WWOX: variants seen among roughly 807,000 people sequenced by gnomAD.
WWOX encodes the protein WW domain-containing oxidoreductase.
In WWOX, 69 loss-of-function variants were observed where a neutral mutation model predicts 46.2. The observed-to-expected ratio is 1.49, with a 90% CI of 1.23 to 1.82. The LOEUF is 1.82. Ranked by LOEUF, WWOX falls within the 40% of genes most tolerant of loss-of-function variation. The pLI, the probability that WWOX is intolerant of heterozygous loss-of-function variation, is 0.00. For synonymous variants in WWOX, 359 were observed against 202.6 expected, an observed-to-expected ratio of 1.77 and a Z score of -6.56; for missense variants, 919 against 542.6, an observed-to-expected ratio of 1.69 and a Z score of -6.89.
chr16:78,416,101 C>A (rs542771200), intron 6 of WWOX, among the ~76,000 whole-genome samples: 24 of 152,104 alleles, frequency 1.6e-4, no homozygotes, highest in Non-Finnish European at 3.1e-4. Flanking sequence ...GAGAATCCAC[C>A]CAAGAAGAAG....
chr16:78,413,935 G>A (rs1824284762), intron 6 of WWOX, among the ~76,000 whole-genome samples: 1 of 151,474 alleles, frequency 6.6e-6, no homozygotes, highest in Non-Finnish European at 1.5e-5. Context: ...TAACCCCTGT[G>A]ACCTGCACAT....
chr16:78,431,082 C>G (rs7195100), intron 7 of WWOX, among the ~76,000 whole-genome samples: 31,455 of 152,038 alleles, frequency 0.21, 4,661 homozygotes, highest in African/African-American at 0.4. Flanking sequence ...TTAGAAAATT[C>G]CTTTTGTTTG....
intron 8 of WWOX, among the ~76,000 whole-genome samples, chr16:78,569,774 A>C (rs532522730): frequency 1.3e-5 from 2 of 152,166 alleles, no homozygotes; most frequent in Non-Finnish European, 2.9e-5. Context: ...TGAACCTTTT[A>C]TCCTCTTCTT....
intron 8 of WWOX, among the ~76,000 whole-genome samples, chr16:79,042,747 C>A (rs1047549430): frequency 5.2e-5 from 5 of 96,628 alleles, no homozygotes; most frequent in African/African-American, 1.9e-4. Flanking sequence ...TTTTTTTCTT[C>A]TAACTTGTCC....
chr16:78,317,869 C>T (rs932231162), intron 5 of WWOX, among the ~76,000 whole-genome samples: 1 of 152,172 alleles, frequency 6.6e-6, no homozygotes, highest in East Asian at 1.9e-4. Flanking sequence ...TTTTCACTCC[C>T]CGTAAACATC....
At position 78,300,950 on chromosome 16, in the gene WWOX, A is replaced by G. The variant is rs142263177; in HGVS notation, c.517-85910A>G. ...CATCTCTTTGTCCATCCATCCAACTACCCACTTACCCATCCATCCATACAT... is the reference window on the plus strand; with the variant it reads ...CATCTCTTTGTCCATCCATCCAACTGCCCACTTACCCATCCATCCATACAT... On this transcript the variant is annotated intron_variant, in intron 5 of 8. Coordinates refer to ENST00000566780, the MANE Select transcript of WWOX (RefSeq NM_016373.4). 1.3e-4 allele frequency among the ~76,000 whole-genome samples: 19 copies of G among 151,978 alleles called. No homozygotes were observed. In the East Asian group the frequency reaches 3.7e-3, roughly 29 times the overall value.
intron 8 of WWOX, among the ~76,000 whole-genome samples, chr16:78,641,249 A>G (rs1046841904): frequency 6.6e-6 from 1 of 151,138 alleles, no homozygotes; most frequent in South Asian, 2.1e-4. Context: ...TTTTTTTTCT[A>G]AAGGAAAAGG....
In WWOX at chr16:79,047,418, T is replaced by G. The variant is rs76546286; in HGVS notation, c.1057-164190T>G. Among the ~76,000 whole-genome samples, 1,446 of 152,284 alleles carry G rather than the reference T, an allele frequency of 9.5e-3. 23 individuals carry two copies. The highest frequency in any genetic ancestry group is 0.01 in the Non-Finnish European group (681 of 68,020). On this transcript the variant is annotated intron_variant, in intron 8 of 8. Coordinates refer to ENST00000566780, the MANE Select transcript of WWOX (RefSeq NM_016373.4). ...AAGATTGATCCATTGGTTAATTGAT[T>G]AATTGATTGATCGACTGAGGAATGT...
chr16:78,707,605 C>T lies in WWOX; in HGVS notation c.1056+274853C>T, dbSNP rs540638423. 3.9e-5 allele frequency among the ~76,000 whole-genome samples: 6 copies of T among 152,152 alleles called. No homozygotes were observed. In the South Asian group the frequency reaches 1.2e-3, roughly 32 times the overall value. ...TGCAGTATTCAATCTTTTTAAGGCCCAGCATGGTGTCTCATGCCTGTAATC... is the reference window on the plus strand; with the variant it reads ...TGCAGTATTCAATCTTTTTAAGGCCTAGCATGGTGTCTCATGCCTGTAATC... On this transcript the variant is annotated intron_variant, in intron 8 of 8. Transcript: ENST00000566780.
At chr16:78,733,095 C>G (rs933312701) in intron 8 of WWOX, among the ~76,000 whole-genome samples, 2 of 152,076 alleles carry the variant, frequency 1.3e-5, no homozygotes, top group Non-Finnish European at 2.9e-5. Flanking sequence ...CCTTTTTTGT[C>G]CCATTTGCTC....
At chr16:78,358,682 G>A (rs1311242291) in intron 5 of WWOX, among the ~76,000 whole-genome samples, 9 of 151,030 alleles carry the variant, frequency 6.0e-5, no homozygotes, top group African/African-American at 1.2e-4. Flanking sequence ...ATGTGTGTGT[G>A]TGTGTGTGTG....
chr16:78,400,604 C>G (rs1020375755), intron 6 of WWOX, among the ~76,000 whole-genome samples: 1 of 151,978 alleles, frequency 6.6e-6, no homozygotes, highest in Non-Finnish European at 1.5e-5. Flanking sequence ...CTTGGTTTTT[C>G]TCCTCTTACC....
chr16:78,221,808 C>T (rs922279460), intron 5 of WWOX, among the ~76,000 whole-genome samples: 1 of 152,202 alleles, frequency 6.6e-6, no homozygotes, highest in African/African-American at 2.4e-5. Flanking sequence ...ACACATTTCT[C>T]TCTGATTTTA....
chr16:78,937,967 T>G (rs367744383), intron 8 of WWOX, among the ~76,000 whole-genome samples: 2 of 152,144 alleles, frequency 1.3e-5, no homozygotes, highest in South Asian at 2.1e-4. Flanking sequence ...GTTCAGTGTT[T>G]TCTTATTCCT....
At chr16:79,112,759 C>T (rs892715136) in intron 8 of WWOX, among the ~76,000 whole-genome samples, 1 of 152,094 alleles carries the variant, frequency 6.6e-6, no homozygotes, top group African/African-American at 2.4e-5. Flanking sequence ...AGCTGGAAGA[C>T]AGGAGAGAAA....
At chr16:79,149,324 T>C (rs956128694) in intron 8 of WWOX, among the ~76,000 whole-genome samples, 38 of 152,246 alleles carry the variant, frequency 2.5e-4, no homozygotes, top group African/African-American at 8.4e-4. Context: ...CTTTTTGATA[T>C]GGTGGACTAT....
At chr16:78,691,068 A>T (rs990464612) in intron 8 of WWOX, among the ~76,000 whole-genome samples, 2 of 152,232 alleles carry the variant, frequency 1.3e-5, no homozygotes, top group Non-Finnish European at 2.9e-5. Context: ...ACTTCATAAA[A>T]TGTATTAATG....
At chr16:78,585,362 A>G (rs1218833526) in intron 8 of WWOX, among the ~76,000 whole-genome samples, 2 of 152,140 alleles carry the variant, frequency 1.3e-5, no homozygotes, top group Non-Finnish European at 2.9e-5. Flanking sequence ...GAGGCTGGAA[A>G]TTCGTTAGCA....
At chr16:78,106,518 G>A (rs1389644916) in intron 1 of WWOX, among the ~76,000 whole-genome samples, 1 of 148,152 alleles carries the variant, frequency 6.7e-6, no homozygotes, top group Admixed American at 6.9e-5. Context: ...CCGGGTTGAA[G>A]CAATTCTCCT....
Sources: allele counts gnomAD v4.1 joint callset (sites outside exome capture counted in the v4.1 genomes callset), GRCh38; gene constraint gnomAD v4.1.1; transcripts MANE v1.5; gene names NCBI Gene and HGNC (gene_info 2026-07-23, HGNC 2026-07-21).